MARCHF7: variants seen among roughly 807,000 people sequenced by gnomAD.
MARCHF7 encodes the protein E3 ubiquitin-protein ligase MARCHF7.
MARCHF7 carries 20 observed loss-of-function variants against 76.5 expected under a neutral mutation model. The ratio of observed to expected loss-of-function variants is 0.26; its 90% confidence interval spans 0.18 to 0.38. The LOEUF (loss-of-function observed/expected upper bound fraction) is 0.38, where lower values mean the gene tolerates loss of function less well. Among genes scored for constraint, MARCHF7 ranks in the 10% least tolerant of loss-of-function variants. MARCHF7 has a pLI of 1.00. For synonymous variants in MARCHF7, 295 were observed against 293.0 expected (o/e 1.01, Z -0.07); for missense variants, 797 against 812.9 (o/e 0.98, Z 0.24).
chr2:159,728,651 G>A (rs1196907122), intron 3 of MARCHF7, among the ~76,000 whole-genome samples: 2 of 152,128 alleles, frequency 1.3e-5, no homozygotes, highest in African/African-American at 2.4e-5. Context: ...AGTACAACAG[G>A]TATGATCATT....
intron 3 of MARCHF7, 111 bp from the exon 4 acceptor site, chr2:159,728,898 T>C (rs753586915): frequency 5.3e-6 from 3 of 563,364 alleles, no homozygotes; most frequent in Non-Finnish European, 5.8e-6. Flanking sequence ...TTGTCAGATA[T>C]GGTTAATTTG....
At chr2:159,736,565 T>G (rs976502817) in intron 4 of MARCHF7, among the ~76,000 whole-genome samples, 4 of 152,170 alleles carry the variant, frequency 2.6e-5, no homozygotes, top group Non-Finnish European at 4.4e-5. Context: ...AGTTTTTTTA[T>G]TTTTTTAATT....
Position 159,770,501 on chromosome 2 carries a change from G to GAGAT in MARCHF7, c.*3162_*3165dup, listed in dbSNP as rs1157860115. On this transcript the variant is annotated 3_prime_UTR_variant, in exon 12 of 12. Coordinates refer to ENST00000409175, the MANE Select transcript of MARCHF7 (RefSeq NM_001282805.2). ...CTTTGTTGCCATTAGTCAAGCTAGT[G>GAGAT]AGATAGTATATCTATCTATCTCCCC... 2.0e-5 allele frequency: 3 copies of GAGAT among 152,142 alleles called. No individual in the cohort carries two copies. The highest frequency in any genetic ancestry group is 7.2e-5 in the African/African-American group (3 of 41,438). 9.4% of individuals were successfully genotyped at this position (152,142 alleles called of 1,614,324 possible). A position where few individuals can be genotyped will look rare whatever the true frequency, so the allele number is the denominator to read the frequency against.
intron 2 of MARCHF7, among the ~76,000 whole-genome samples, chr2:159,714,850 C>T (rs1374101542): frequency 1.3e-5 from 2 of 152,114 alleles, no homozygotes; most frequent in Non-Finnish European, 2.9e-5. Context: ...TCACGAGTTG[C>T]AGAGACTGCA....
chr2:159,716,242 A>G (rs187655837), intron 3 of MARCHF7, among the ~76,000 whole-genome samples: 1 of 148,886 alleles, frequency 6.7e-6, no homozygotes, highest in Admixed American at 7.0e-5. Context: ...CCACTAAGGA[A>G]AAAAAAAATT....
intron 4 of MARCHF7, among the ~76,000 whole-genome samples, chr2:159,740,275 G>T (rs951192102): frequency 6.6e-6 from 1 of 152,074 alleles, no homozygotes; most frequent in East Asian, 1.9e-4. Context: ...CCAAAATCAT[G>T]TTTGCAGAAG....
intron 2 of MARCHF7, among the ~76,000 whole-genome samples, chr2:159,715,222 A>G (rs1700896699): frequency 6.6e-6 from 1 of 152,364 alleles, no homozygotes; most frequent in African/African-American, 2.4e-5. Context: ...AGTTCCTACT[A>G]AGATTACTTG....
At chr2:159,754,862 G>C (rs1706096388) in intron 8 of MARCHF7, among the ~76,000 whole-genome samples, 1 of 152,166 alleles carries the variant, frequency 6.6e-6, no homozygotes, top group Admixed American at 6.5e-5. Flanking sequence ...AGACAGGTTA[G>C]GAGGTTTTGA....
At chr2:159,761,796 A>G (rs1452307917) in intron 9 of MARCHF7, among the ~76,000 whole-genome samples, 1 of 152,200 alleles carries the variant, frequency 6.6e-6, no homozygotes, top group African/African-American at 2.4e-5. Context: ...TTAACGTCTG[A>G]TGAACCAGTT....
rs775471848 is a variant in MARCHF7, at chr2:159,743,190, T to C, written c.283T>C (p.Ser95Pro). Residue 95 changes from serine to proline, a missense_variant, in exon 5 of 12, where the codon TCC (serine) becomes CCC (proline). Transcript: ENST00000409175. ...TCATGATTCAAAAAGACCTAAACTTTCCTGTACAAACTGTACTACCTCAGC... is the reference window on the plus strand; with the variant it reads ...TCATGATTCAAAAAGACCTAAACTTCCCTGTACAAACTGTACTACCTCAGC... ...RDHDSKRPKL[S>P]CTNCTTSAGR... The C allele has an allele frequency of 1.2e-6, 2 of 1,614,192 alleles. No individual in the cohort carries two copies. The highest frequency in any genetic ancestry group is 1.7e-5 in the Admixed American group (1 of 60,030).
At chr2:159,753,523 C>T (rs1262519351) in intron 8 of MARCHF7, among the ~76,000 whole-genome samples, 1 of 151,088 alleles carries the variant, frequency 6.6e-6, no homozygotes, top group Non-Finnish European at 1.5e-5. Flanking sequence ...TGCACTCCAG[C>T]CTGGGCAACA....
At chr2:159,753,230 A>G (rs1466618188) in intron 8 of MARCHF7, among the ~76,000 whole-genome samples, 1 of 152,180 alleles carries the variant, frequency 6.6e-6, no homozygotes, top group Non-Finnish European at 1.5e-5. Flanking sequence ...TGAATTATGC[A>G]TAGTGTGGCT....
chr2:159,755,285 T>G (rs964925561), intron 8 of MARCHF7, among the ~76,000 whole-genome samples: 2 of 135,238 alleles, frequency 1.5e-5, no homozygotes, highest in Admixed American at 1.4e-4. Flanking sequence ...AGGTCAAGGG[T>G]ATGAACTGAG....
At chr2:159,752,273 G>C (rs1055432856) in intron 7 of MARCHF7, 129 bp from the exon 8 acceptor site, 1 of 673,820 alleles carries the variant, frequency 1.5e-6, no homozygotes, top group African/African-American at 1.9e-5. Context: ...TGTTGTTACT[G>C]TTTGCTTTTT....
At chr2:159,724,108 T>C (rs1325002551) in intron 3 of MARCHF7, among the ~76,000 whole-genome samples, 1 of 152,256 alleles carries the variant, frequency 6.6e-6, no homozygotes, top group East Asian at 1.9e-4. Context: ...GTTGAGACCT[T>C]GCATGTCTGA....
chr2:159,748,551 T>A lies in MARCHF7; in HGVS notation c.1261T>A (p.Ser421Thr). 1 of 1,614,180 alleles carries A rather than the reference T, an allele frequency of 6.2e-7. No individual in the cohort carries two copies. Among genetic ancestry groups the A allele is most frequent in the Non-Finnish European group, 8.5e-7 (1 of 1,180,016 alleles). Residue 421 changes from serine to threonine, a missense_variant, in exon 7 of 12, where the codon TCT becomes ACT. Physicochemically the swap from Ser to Thr is moderately conservative, Grantham distance 58. Transcript: ENST00000409175. ...ACCTACCTCTGATACATCATCTAGA[T>A]CTCATATTTTTAGAAGAGAATCAAA... is the stretch of plus-strand genomic sequence containing the variant. Reference protein sequence around the residue: ...RIPTSDTSSRSHIFRRESNEV... With the variant: ...RIPTSDTSSRTHIFRRESNEV...
intron 2 of MARCHF7, among the ~76,000 whole-genome samples, chr2:159,715,175 A>G (rs934754999): frequency 6.6e-6 from 1 of 152,250 alleles, no homozygotes; most frequent in Non-Finnish European, 1.5e-5. Flanking sequence ...AACTGATCAC[A>G]TTAGAATGAT....
At chr2:159,765,843 T>G (rs1360742215) in intron 11 of MARCHF7, among the ~76,000 whole-genome samples, 2 of 152,186 alleles carry the variant, frequency 1.3e-5, no homozygotes, top group Non-Finnish European at 2.9e-5. Context: ...TCACTTGGTA[T>G]AAAATTTTTT....
At chr2:159,744,209 C>G (rs968004909) in intron 5 of MARCHF7, among the ~76,000 whole-genome samples, 1 of 151,690 alleles carries the variant, frequency 6.6e-6, no homozygotes. Context: ...GGGATGGTCT[C>G]GATCTCCTGA....
Sources: gnomAD v4.1 joint callset for allele counts (sites outside exome capture counted in the v4.1 genomes callset) on GRCh38, gnomAD v4.1.1 for gene constraint, MANE v1.5 for transcripts, NCBI Gene and HGNC (gene_info 2026-07-23, HGNC 2026-07-21) for gene names.